The following DENND2B variants were observed in gnomAD, a reference collection of about 807,000 sequenced individuals.
DENND2B encodes the protein DENN domain containing 2B, also known as DENN domain-containing protein 2B.
Under a neutral mutation model 116.0 loss-of-function variants are expected in DENND2B, and 32 were observed. The ratio of observed to expected loss-of-function variants is 0.28; its 90% CI spans 0.21 to 0.37. The LOEUF (loss-of-function observed/expected upper bound fraction) is 0.37. Among genes scored for constraint, DENND2B ranks in the 10% least tolerant of loss-of-function variants. The pLI is 1.00. For missense variants in DENND2B, 1,276 were observed against 1,477.7 expected (o/e 0.86, Z 2.24); for synonymous variants, 588 against 583.9 (o/e 1.01, Z -0.10).
intron 1 of DENND2B, among the ~76,000 whole-genome samples, chr11:8,774,649 C>T (rs1368304738): frequency 6.6e-6 from 1 of 152,124 alleles, no homozygotes; most frequent in Non-Finnish European, 1.5e-5. Flanking sequence ...TGATAAACTA[C>T]AAATCCACAA....
At chr11:8,853,902 G>A (rs1227245371) in intron 3 of DENND2B, among the ~76,000 whole-genome samples, 3 of 151,342 alleles carry the variant, frequency 2.0e-5, no homozygotes, top group East Asian at 1.9e-4. Flanking sequence ...AGGCTCAAGT[G>A]CAATGGCACA....
Position 8,699,273 on chromosome 11 carries a change from G to A in DENND2B, c.2838C>T (p.Pro946=), listed in dbSNP as rs767919297. 1.9e-6 allele frequency: 3 copies of A among 1,596,610 alleles called. No individual in the cohort carries two copies. The highest frequency in any genetic ancestry group is 1.7e-4 in the Middle Eastern group (1 of 5,788). The change falls in exon 15 of 20, where the codon CCC becomes CCT. Residue 946 remains proline (P), a synonymous_variant. Transcript: ENST00000313726. ...SMIDIVCCPT[P]FLVGLLSSSL... The stretch of plus-strand genomic sequence containing the variant: ...AGCTGGAGAGCAGGCCAACCAGGAA[G>A]GGGGTGGGACAGCAGACGATGTCAA...
At chr11:8,909,081 A>G (rs925320243) in intron 1 of DENND2B, among the ~76,000 whole-genome samples, 6 of 152,184 alleles carry the variant, frequency 3.9e-5, no homozygotes, top group African/African-American at 1.4e-4. Flanking sequence ...CCTTCCCTCA[A>G]GAAGCTCAGT....
rs149656043 is a variant in DENND2B at position 8,755,681 on chromosome 11, T to A, written c.-25-4956A>T. 5.4e-3 allele frequency among the ~76,000 whole-genome samples: 824 copies of A among 152,264 alleles called. 11 individuals are homozygous for A. The highest frequency in any genetic ancestry group is 0.019 in the African/African-American group (769 of 41,552). On this transcript the variant is annotated intron_variant, in intron 1 of 19. Coordinates refer to ENST00000313726, the MANE Select transcript of DENND2B (RefSeq NM_213618.2). ...TTTTTTCTTTTTGGTAGAGATGGGG[T>A]TTCTTTATGTTGCCCAGGCTGGTCT...
At chr11:8,826,446 C>A (rs1173547235) in intron 4 of DENND2B, among the ~76,000 whole-genome samples, 1 of 152,202 alleles carries the variant, frequency 6.6e-6, no homozygotes, top group Admixed American at 6.5e-5. Context: ...GGCTTAAATG[C>A]TGTAACCGAA....
intron 2 of DENND2B, among the ~76,000 whole-genome samples, chr11:8,748,139 A>T (rs975557900): frequency 6.6e-6 from 1 of 152,166 alleles, no homozygotes. Flanking sequence ...AAAGTGTCAA[A>T]GGCCCAGCTT....
rs774197731 is a variant in DENND2B at position 8,730,410 on chromosome 11, C to T, written c.880G>A (p.Glu294Lys). ...TGGGGGAGCCCCCGGCCCGGCTGCT[C>T]CTTCAGGACCTGTTCAATTTTCTGG... ...RIQKIEQVLK[E>K]QPGRGLPQLP... is the part of the protein sequence containing the mutation. The change falls in exon 3 of 20, where the codon GAG (glutamate) becomes AAG (lysine). Residue 294 changes from glutamate (E) to lysine (K), a missense_variant. By Grantham distance (56) the Glu-to-Lys change is moderately conservative. Transcript: ENST00000313726. This position sits in a 1 kb window ranked among gnomAD's most constrained non-coding sequence, Gnocchi z 4.1. 2.2e-5 allele frequency: 36 copies of T among 1,607,646 alleles called. No individual in the cohort carries two copies. The highest frequency in any genetic ancestry group is 2.0e-4 in the South Asian group (18 of 91,078).
At chr11:8,905,366 A>G (rs1202635674) in intron 1 of DENND2B, among the ~76,000 whole-genome samples, 1 of 152,176 alleles carries the variant, frequency 6.6e-6, no homozygotes, top group Non-Finnish European at 1.5e-5. Context: ...CTAGACCCTT[A>G]CCTCATAATG....
chr11:8,747,677 G>C (rs1401066446), intron 2 of DENND2B, among the ~76,000 whole-genome samples: 2 of 152,148 alleles, frequency 1.3e-5, no homozygotes, highest in Admixed American at 6.5e-5. Flanking sequence ...GGCAGGTAAG[G>C]ATGAACAGTA....
At position 8,829,303 on chromosome 11, in the gene DENND2B, G is replaced by A. The variant is rs1038521681; in HGVS notation, c.-115+10007C>T. 2.0e-5 allele frequency among the ~76,000 whole-genome samples: 3 copies of A among 152,212 alleles called. No homozygotes were observed. In the South Asian group the frequency reaches 6.2e-4, roughly 32 times the overall value. Reference sequence around the variant, plus strand: ...GCAATGCTGAGCCCCTGGCTGTGGTGATGACTGGCCACAGCGCAATTCAGC... The same window carrying A: ...GCAATGCTGAGCCCCTGGCTGTGGTAATGACTGGCCACAGCGCAATTCAGC... On this transcript the variant is annotated intron_variant, in intron 4 of 6. Transcript: ENST00000524757.
intron 1 of DENND2B, among the ~76,000 whole-genome samples, chr11:8,765,335 C>A (rs2055513724): frequency 6.6e-6 from 1 of 152,210 alleles, no homozygotes; most frequent in African/African-American, 2.4e-5. Flanking sequence ...AGACTGTGTG[C>A]TGAGGTGCCC....
Position 8,698,522 on chromosome 11 carries a change from CAAT to C in DENND2B, c.2940+408_2940+410del, listed in dbSNP as rs759961013. Among the ~76,000 whole-genome samples the C allele has an allele frequency of 2.6e-5, 4 of 152,202 alleles. No homozygotes were observed. In the East Asian group the frequency reaches 5.8e-4, roughly 22 times the overall value. On this transcript the variant is annotated intron_variant, in intron 16 of 19. Coordinates refer to ENST00000313726, the MANE Select transcript of DENND2B (RefSeq NM_213618.2). ...AACAAAGGCTTTTTGTAGTTGACAA[CAAT>C]GATTGCAAACCTGTACGTTACATAA...
In DENND2B at chr11:8,735,938, T is replaced by C. The variant is rs556566468; in HGVS notation, c.81-4729A>G. ...CCTCTCTGTCTAGTTGTTTCCTAGT[T>C]CCTCAAACTGAGACTCGGAGGGAAA... On this transcript the variant is annotated intron_variant, in intron 2 of 19. Coordinates refer to ENST00000313726, the MANE Select transcript of DENND2B (RefSeq NM_213618.2). Among the ~76,000 whole-genome samples, 11 of 152,294 alleles carry C rather than the reference T, an allele frequency of 7.2e-5. No homozygotes were observed. The South Asian group carries it at 1.9e-3, about 26-fold the overall frequency.
chr11:8,876,597 T>A (rs539373958), intron 2 of DENND2B, among the ~76,000 whole-genome samples: 2 of 152,150 alleles, frequency 1.3e-5, no homozygotes, highest in South Asian at 4.2e-4. Flanking sequence ...CTCATTTAGA[T>A]AAAGTACAGG....
intron 4 of DENND2B, among the ~76,000 whole-genome samples, chr11:8,722,829 G>A (rs959785438): frequency 1.4e-4 from 22 of 152,054 alleles, no homozygotes; most frequent in Non-Finnish European, 4.4e-5. Context: ...CCAAACTGGT[G>A]CCTGGGTCGC....
chr11:8,697,407 G>A (rs914179985), intron 17 of DENND2B, 118 bp downstream of exon 17: 8 of 739,650 alleles, frequency 1.1e-5, no homozygotes, highest in Admixed American at 9.3e-5. Flanking sequence ...TGAGACCAAG[G>A]TCCTCATCAG....
chr11:8,717,151 A>G (rs2133835510), intron 5 of DENND2B, among the ~76,000 whole-genome samples: 1 of 152,326 alleles, frequency 6.6e-6, no homozygotes, highest in East Asian at 1.9e-4. Context: ...GCTGAAGTCC[A>G]AGAGCTTCCT....
intron 4 of DENND2B, among the ~76,000 whole-genome samples, chr11:8,822,428 T>C (rs2061800554): frequency 6.6e-6 from 1 of 152,362 alleles, no homozygotes; most frequent in South Asian, 2.1e-4. Flanking sequence ...ATAGTCACTA[T>C]GCTGTACATT....
At chr11:8,776,170 A>ACACGCGCGCGCGCGCGCG in intron 1 of DENND2B, 1 of 447,280 alleles carries the variant, frequency 2.2e-6, no homozygotes, top group Non-Finnish European at 4.5e-6. Context: ...GCACACACAC[A>ACACGCGCGCGCGCGCGCG]CACACACACA....
Sources: allele counts gnomAD v4.1 joint callset (sites outside exome capture counted in the v4.1 genomes callset), GRCh38; gene constraint gnomAD v4.1.1; non-coding constraint Gnocchi (gnomAD v3.1); transcripts MANE v1.5; gene names NCBI Gene and HGNC (gene_info 2026-07-23, HGNC 2026-07-21).